GAP43: variants seen among roughly 807,000 people sequenced by gnomAD.
GAP43 encodes the protein growth associated protein 43.
Under a neutral mutation model 18.6 loss-of-function variants are expected in GAP43, and 6 were observed. The ratio of observed to expected loss-of-function variants is 0.32; its 90% CI spans 0.18 to 0.64. GAP43 has a LOEUF of 0.64. Among genes scored for constraint, GAP43 ranks in the 30% least tolerant of loss-of-function variants. GAP43 has a pLI of 0.78. For synonymous variants in GAP43, 115 were observed against 111.4 expected, an observed-to-expected ratio of 1.03 and a Z score of -0.20; for missense variants, 292 against 295.5, an observed-to-expected ratio of 0.99 and a Z score of 0.09.
intron 1 of GAP43, among the ~76,000 whole-genome samples, chr3:115,671,933 TG>T (rs2107487094): frequency 6.6e-6 from 1 of 152,336 alleles, no homozygotes; most frequent in East Asian, 1.9e-4. Flanking sequence ...AGCACTATGA[TG>T]TGGTTTAAGT....
intron 2 of GAP43, among the ~76,000 whole-genome samples, chr3:115,688,402 C>T (rs908828858): frequency 6.6e-6 from 1 of 152,118 alleles, no homozygotes; most frequent in East Asian, 1.9e-4. Context: ...TAGTTATACT[C>T]CAGTGTCAAC....
At chr3:115,653,486 AAGGAGACT>A in intron 1 of GAP43, among the ~76,000 whole-genome samples, 1 of 152,268 alleles carries the variant, frequency 6.6e-6, no homozygotes, top group East Asian at 1.9e-4. Context: ...TCCAATGTCA[AAGGAGACT>A]AGAAAAAGTT....
intron 1 of GAP43, among the ~76,000 whole-genome samples, chr3:115,670,623 C>T (rs908722437): frequency 6.6e-6 from 1 of 152,106 alleles, no homozygotes; most frequent in African/African-American, 2.4e-5. Flanking sequence ...AGTCAATTGC[C>T]ATGGTATCAA....
Position 115,623,622 on chromosome 3 carries a change from G to A in GAP43, c.-68G>A, listed in dbSNP as rs1282274691. 6 of 1,580,998 alleles carry A rather than the reference G, an allele frequency of 3.8e-6. No homozygotes were observed. The South Asian group carries it at 4.4e-5, about 12-fold the overall frequency. On this transcript the variant is annotated 5_prime_UTR_variant, in exon 1 of 3. Transcript: ENST00000305124. ...CAAGCGAGCAGAAAAGAGGTGGAGA[G>A]GGGGGGAATAAGAAAGAGAGAGAAG...
chr3:115,627,811 GA>G (rs1346351892), intron 1 of GAP43, among the ~76,000 whole-genome samples: 1 of 152,154 alleles, frequency 6.6e-6, no homozygotes, highest in Non-Finnish European at 1.5e-5. Flanking sequence ...TTCAATTTGT[GA>G]AGTGTGGTCA....
chr3:115,648,656 A>G (rs980024518), intron 1 of GAP43, among the ~76,000 whole-genome samples: 5 of 152,122 alleles, frequency 3.3e-5, no homozygotes, highest in Non-Finnish European at 5.9e-5. Context: ...CAGGGGGCAC[A>G]TGACTCAAAG....
chr3:115,698,550 G>T (rs1012982001), intron 2 of GAP43, among the ~76,000 whole-genome samples: 1 of 151,060 alleles, frequency 6.6e-6, no homozygotes, highest in Non-Finnish European at 1.5e-5. Context: ...GTGAGAAAAG[G>T]CTGCTTATGT....
intron 2 of GAP43, among the ~76,000 whole-genome samples, chr3:115,711,230 A>ATG (rs368758567): frequency 7.6e-4 from 116 of 151,824 alleles, no homozygotes; most frequent in African/African-American, 9.6e-4. Context: ...TCACGGTCAT[A>ATG]TGTGTGTGTG....
chr3:115,667,546 CAA>C (rs1444021165), intron 1 of GAP43, among the ~76,000 whole-genome samples: 1 of 152,186 alleles, frequency 6.6e-6, no homozygotes, highest in Non-Finnish European at 1.5e-5. Context: ...GAGTATCCAA[CAA>C]AAGACACTTC....
intron 1 of GAP43, among the ~76,000 whole-genome samples, chr3:115,659,209 A>G (rs1708626245): frequency 6.6e-6 from 1 of 152,226 alleles, no homozygotes; most frequent in South Asian, 2.1e-4. Context: ...AGAAGACAGC[A>G]CAGGAAGGAA....
intron 1 of GAP43, among the ~76,000 whole-genome samples, chr3:115,666,730 C>T (rs1708738314): frequency 6.6e-6 from 1 of 152,158 alleles, no homozygotes; most frequent in Non-Finnish European, 1.5e-5. Flanking sequence ...CAAACTTACA[C>T]ATGTCTAACT....
intron 2 of GAP43, among the ~76,000 whole-genome samples, chr3:115,699,347 T>C (rs1449855640): frequency 6.6e-6 from 1 of 152,146 alleles, no homozygotes; most frequent in African/African-American, 2.4e-5. Context: ...CTCTGTGCCA[T>C]CGTTCCCAAC....
At chr3:115,641,163 C>T (rs1191203396) in intron 1 of GAP43, among the ~76,000 whole-genome samples, 1 of 151,486 alleles carries the variant, frequency 6.6e-6, no homozygotes, top group African/African-American at 2.4e-5. Context: ...CCACACCTGG[C>T]CCTGAAATGT....
chr3:115,672,860 A>G (rs779911628), intron 1 of GAP43, among the ~76,000 whole-genome samples: 22 of 150,574 alleles, frequency 1.5e-4, no homozygotes, highest in Non-Finnish European at 2.5e-4. Flanking sequence ...ACTAATCTCT[A>G]AAATTTAGTT....
chr3:115,716,217 A>G (rs1478867641), intron 2 of GAP43, among the ~76,000 whole-genome samples: 17 of 152,208 alleles, frequency 1.1e-4, no homozygotes, highest in African/African-American at 3.9e-4. Flanking sequence ...TATCACTGCA[A>G]TGATTTATCT....
intron 2 of GAP43, among the ~76,000 whole-genome samples, chr3:115,685,819 T>G (rs1189133647): frequency 6.6e-6 from 1 of 152,214 alleles, no homozygotes; most frequent in Non-Finnish European, 1.5e-5. Context: ...TTTTTTTATT[T>G]CCTCCTTCCT....
chr3:115,637,855 AC>A (rs1708349151), intron 1 of GAP43, among the ~76,000 whole-genome samples: 1 of 151,778 alleles, frequency 6.6e-6, no homozygotes, highest in South Asian at 2.1e-4. Context: ...CAGAAACAGA[AC>A]CCTTATATCT....
At chr3:115,630,017 C>T (rs1409946180) in intron 1 of GAP43, among the ~76,000 whole-genome samples, 2 of 152,136 alleles carry the variant, frequency 1.3e-5, no homozygotes, top group African/African-American at 4.8e-5. Flanking sequence ...ATAGCTGGCA[C>T]TATCTCCCCT....
At chr3:115,657,584 T>C (rs2107478687) in intron 1 of GAP43, among the ~76,000 whole-genome samples, 1 of 152,296 alleles carries the variant, frequency 6.6e-6, no homozygotes, top group African/African-American at 2.4e-5. Context: ...GGTGAGAAGC[T>C]ATCAGGTACA....
Sources: gnomAD v4.1 joint callset for allele counts (sites outside exome capture counted in the v4.1 genomes callset) on GRCh38, gnomAD v4.1.1 for gene constraint, MANE v1.5 for transcripts, NCBI Gene and HGNC (gene_info 2026-07-23, HGNC 2026-07-21) for gene names.